The following FBLN7 variants were observed in gnomAD, a reference collection of about 807,000 sequenced individuals.
FBLN7 encodes the protein fibulin-7.
In FBLN7, 31 loss-of-function variants were observed where a neutral mutation model predicts 44.0. The observed-to-expected ratio is 0.70, with a 90% CI of 0.53 to 0.95. The LOEUF (loss-of-function observed/expected upper bound fraction) is 0.95, where lower values mean the gene tolerates loss of function less well. FBLN7 is among the 40% of genes least tolerant of loss of function. The pLI, the probability that FBLN7 is intolerant of heterozygous loss-of-function variation, is 0.00. For missense variants in FBLN7, 573 were observed against 618.5 expected (o/e 0.93, Z 0.78); for synonymous variants, 262 against 253.4 (o/e 1.03, Z -0.32).
chr2:112,169,652 T>G (rs1682348200), intron 3 of FBLN7, among the ~76,000 whole-genome samples: 1 of 152,280 alleles, frequency 6.6e-6, no homozygotes, highest in South Asian at 2.1e-4. Flanking sequence ...ACAAAGCTGG[T>G]GCCAGATGCC....
chr2:112,160,692 G>T (rs79608119), intron 2 of FBLN7, among the ~76,000 whole-genome samples: 1 of 117,314 alleles, frequency 8.5e-6, no homozygotes. Context: ...GCACGCACAC[G>T]CACACACGCA....
Position 112,187,735 on chromosome 2 carries a change from C to A in FBLN7, c.*229C>A. 1.7e-6 allele frequency: 1 copy of A among 579,520 alleles called. No homozygotes were observed. Among genetic ancestry groups the A allele is most frequent in the Non-Finnish European group, 3.0e-6 (1 of 335,092 alleles). The allele number at this position is 579,520 out of a possible 1,614,324, so 35.9% of individuals were successfully genotyped here. Reference sequence around the variant, plus strand: ...TTTTTTTTTCTGCTTTGAGGCCCTTCCCTTAGATTATGCACTAACTTTCTT... The same window carrying A: ...TTTTTTTTTCTGCTTTGAGGCCCTTACCTTAGATTATGCACTAACTTTCTT... On this transcript the variant is annotated 3_prime_UTR_variant, in exon 8 of 8. Coordinates refer to ENST00000331203, the MANE Select transcript of FBLN7 (RefSeq NM_153214.3). This position sits in a 1 kb window ranked among gnomAD's most constrained non-coding sequence, Gnocchi z 5.1.
rs1392143870 is a variant in FBLN7 at position 112,187,490 on chromosome 2, C to A, written c.1304C>A (p.Ser435Tyr). The part of the protein sequence containing the change: ...NHVSKVTIFV[S>Y]PYDF The stretch of plus-strand genomic sequence containing the variant: ...GTGTCCAAGGTCACCATCTTTGTAT[C>A]CCCCTATGACTTCTGAGGGTACACA... The change falls in exon 8 of 8, where the codon TCC becomes TAC. Residue 435 changes from serine to tyrosine, a missense_variant. Ser to Tyr is a moderately radical substitution (Grantham distance 144). Coordinates refer to ENST00000331203, the MANE Select transcript of FBLN7 (RefSeq NM_153214.3). The surrounding 1 kb of genome is among the most constrained non-coding windows in gnomAD (Gnocchi z 5.1). 1.2e-6 allele frequency: 2 copies of A among 1,613,998 alleles called. No homozygotes were observed. Among genetic ancestry groups the A allele is most frequent in the Non-Finnish European group, 1.7e-6 (2 of 1,180,012 alleles).
intron 2 of FBLN7, 48 bp from the exon 3 acceptor site, chr2:112,164,953 C>T: frequency 6.3e-7 from 1 of 1,593,198 alleles, no homozygotes; most frequent in Non-Finnish European, 8.6e-7. Context: ...TGTCTAAGGG[C>T]TGTGGTCCAG....
chr2:112,165,378 A>G (rs1682097952), intron 3 of FBLN7, among the ~76,000 whole-genome samples: 1 of 152,136 alleles, frequency 6.6e-6, no homozygotes. Context: ...CTATATCTTC[A>G]CAATAATTTA....
intron 3 of FBLN7, among the ~76,000 whole-genome samples, chr2:112,174,312 C>T (rs147368708): frequency 2.8e-4 from 42 of 152,336 alleles, no homozygotes; most frequent in African/African-American, 9.1e-4. Flanking sequence ...GCTGAGGTTA[C>T]TGAGAAACTG....
At chr2:112,239,579 CTTTTTTT>C in the FBLN7 span, among the ~76,000 whole-genome samples, 310 of 86,486 alleles carry the variant, frequency 3.6e-3, 4 homozygotes, top group East Asian at 0.035. Flanking sequence ...TAACAGTTTA[CTTTTTTT>C]TTTTTTTTTT....
intron 3 of FBLN7, among the ~76,000 whole-genome samples, chr2:112,170,347 C>A (rs1212157675): frequency 6.6e-6 from 1 of 151,506 alleles, no homozygotes; most frequent in Non-Finnish European, 1.5e-5. Flanking sequence ...GCCAACTTGG[C>A]AAAACCTCAT....
At chr2:112,243,142 C>A in the FBLN7 span, among the ~76,000 whole-genome samples, 11 of 152,144 alleles carry the variant, frequency 7.2e-5, no homozygotes, top group Non-Finnish European at 1.6e-4. Context: ...CTGTGCTGTT[C>A]AAAGTTAAAA....
At chr2:112,166,831 G>A (rs971784788) in intron 3 of FBLN7, among the ~76,000 whole-genome samples, 1 of 152,148 alleles carries the variant, frequency 6.6e-6, no homozygotes, top group Non-Finnish European at 1.5e-5. Flanking sequence ...CGTGCAGTCT[G>A]CTCCAGTGCC....
intron 2 of FBLN7, among the ~76,000 whole-genome samples, chr2:112,160,673 CACGCAG>C (rs1169166952): frequency 3.9e-4 from 58 of 147,328 alleles, no homozygotes; most frequent in Non-Finnish European, 7.1e-4. Flanking sequence ...CGCACACGCA[CACGCAG>C]ACGCACGCAC....
chr2:112,176,006 G>A, intron 4 of FBLN7, 167 bp downstream of exon 4: 1 of 810,024 alleles, frequency 1.2e-6, no homozygotes, highest in Non-Finnish European at 1.8e-6. Flanking sequence ...TTCTAAGGTG[G>A]TCACTTGACA....
chr2:112,164,854 C>A, intron 2 of FBLN7, 147 bp from the exon 3 acceptor site: 1 of 844,240 alleles, frequency 1.2e-6, no homozygotes, highest in Non-Finnish European at 1.8e-6. Flanking sequence ...TGATGAGACG[C>A]AGCATGCAGA....
rs148348352 is a variant in FBLN7 at position 112,153,540 on chromosome 2, G to A, written c.76-6136G>A. On this transcript the variant is annotated intron_variant, in intron 1 of 7. Coordinates refer to ENST00000331203, the MANE Select transcript of FBLN7 (RefSeq NM_153214.3). ...CCCAGGGACCAGTCCCCATGTTTCC[G>A]TACATACTCCTGAAGCTTCTCTGTA... is the stretch of plus-strand genomic sequence containing the variant. Among the ~76,000 whole-genome samples, 13 of 152,272 alleles carry A rather than the reference G, an allele frequency of 8.5e-5. No individual in the cohort carries two copies. In the East Asian group the frequency reaches 1.7e-3, roughly 20 times the overall value.
At chr2:112,164,543 GAGA>G (rs1277882527) in intron 2 of FBLN7, among the ~76,000 whole-genome samples, 1 of 152,208 alleles carries the variant, frequency 6.6e-6, no homozygotes, top group Non-Finnish European at 1.5e-5. Flanking sequence ...CCTGGAGAGT[GAGA>G]AGGAGCCAGT....
chr2:112,231,700 T>C, the FBLN7 span: 17 of 419,900 alleles, frequency 4.0e-5, no homozygotes, highest in South Asian at 1.0e-3. Flanking sequence ...TAAACTGAAT[T>C]CTTAAGTTAT....
At position 112,181,858 on chromosome 2, in the gene FBLN7, G is replaced by T; in HGVS notation, c.652G>T (p.Gly218Cys). 6.5e-7 allele frequency: 1 copy of T among 1,529,516 alleles called. No individual in the cohort carries two copies. The highest frequency in any genetic ancestry group is 8.7e-7 in the Non-Finnish European group (1 of 1,143,782). 94.7% of individuals were successfully genotyped at this position (1,529,516 alleles called of 1,614,324 possible). A position where few individuals can be genotyped will look rare whatever the true frequency, so the allele number is the denominator to read the frequency against. The change falls in exon 5 of 8, where the codon GGC becomes TGC. Residue 218 changes from glycine (G) to cysteine (C), a missense_variant. Transcript: ENST00000331203. ...CGGATTCCACCTGAGCGGCGCCGCCGGCGACAGCGTCTGCCAGGGTAGGCG... is the reference window on the plus strand; with the variant it reads ...CGGATTCCACCTGAGCGGCGCCGCCTGCGACAGCGTCTGCCAGGGTAGGCG... Reference protein sequence around the residue: ...EAGFHLSGAAGDSVCQDVNEC... With the variant: ...EAGFHLSGAACDSVCQDVNEC...
chr2:112,228,837 T>TAA, the FBLN7 span, among the ~76,000 whole-genome samples: 1 of 152,274 alleles, frequency 6.6e-6, no homozygotes, highest in Middle Eastern at 3.4e-3. Flanking sequence ...ATGTATCTAA[T>TAA]AAAGGATCTG....
chr2:112,149,886 T>A lies in FBLN7; in HGVS notation c.76-9790T>A, dbSNP rs904368017. Among the ~76,000 whole-genome samples, 3 of 152,234 alleles carry A rather than the reference T, an allele frequency of 2.0e-5. No homozygotes were observed. In the East Asian group the frequency reaches 5.8e-4, roughly 29 times the overall value. On this transcript the variant is annotated intron_variant, in intron 1 of 7. Coordinates refer to ENST00000331203, the MANE Select transcript of FBLN7 (RefSeq NM_153214.3). ...CTCTCCTCCTGTATATAGGAAAATGTGTTCCTCTCTGGACACCAGAATCTC... is the reference window on the plus strand; with the variant it reads ...CTCTCCTCCTGTATATAGGAAAATGAGTTCCTCTCTGGACACCAGAATCTC...
Sources: allele counts gnomAD v4.1 joint callset (sites outside exome capture counted in the v4.1 genomes callset), GRCh38; gene constraint gnomAD v4.1.1; non-coding constraint Gnocchi (gnomAD v3.1); transcripts MANE v1.5; gene names NCBI Gene and HGNC (gene_info 2026-07-23, HGNC 2026-07-21).